Variants in CTNNA3 observed in about 807,000 individuals in gnomAD.
CTNNA3 encodes catenin alpha-3.
CTNNA3 carries 76 observed loss-of-function variants against 95.7 expected under a neutral mutation model. That is an observed-to-expected ratio of 0.79 (90% CI 0.66 to 0.96). The LOEUF (loss-of-function observed/expected upper bound fraction) is 0.96, where lower values mean the gene tolerates loss of function less well. CTNNA3 is among the 40% of genes least tolerant of loss of function. CTNNA3 has a pLI of 0.00. For synonymous variants in CTNNA3, 431 were observed against 374.4 expected (o/e 1.15, Z -1.74); for missense variants, 1,191 against 1,089.8 (o/e 1.09, Z -1.31).
intron 14 of CTNNA3, chr10:66,078,928 A>G (rs1378008743): frequency 1.3e-5 from 2 of 151,972 alleles, no homozygotes; most frequent in Non-Finnish European, 2.9e-5. Flanking sequence ...TACTTTGCTT[A>G]TAATTTGAAT....
rs1181615575 is a variant in CTNNA3, at chr10:65,947,093, T to TG, written c.2400+19518_2400+19519insC. Among the ~76,000 whole-genome samples the TG allele has an allele frequency of 8.4e-4, 114 of 136,502 alleles. 1 individual carries two copies. The highest frequency in any genetic ancestry group is 3.4e-3 in the African/African-American group (97 of 28,342). The allele number at this position is 136,502 out of a possible 152,430, so 89.6% of individuals were successfully genotyped here. A position where few individuals can be genotyped will look rare whatever the true frequency, so the allele number is the denominator to read the frequency against. On this transcript the variant is annotated intron_variant, in intron 17 of 17. Coordinates refer to ENST00000433211, the MANE Select transcript of CTNNA3 (RefSeq NM_013266.4). ...TGACAGCCTAAGTCTTTTGTTTGTTTTTTTTTTTTTTGTAGAATTCATCCA... is the reference window on the plus strand; with the variant it reads ...TGACAGCCTAAGTCTTTTGTTTGTTTGTTTTTTTTTTTGTAGAATTCATCCA...
chr10:66,125,036 A>C (rs1382069157), intron 13 of CTNNA3, among the ~76,000 whole-genome samples: 1 of 152,216 alleles, frequency 6.6e-6, no homozygotes, highest in Non-Finnish European at 1.5e-5. Flanking sequence ...AAAACGAAGA[A>C]GAAATAAAAA....
chr10:67,154,922 A>G (rs1353023232), intron 7 of CTNNA3, among the ~76,000 whole-genome samples: 1 of 151,962 alleles, frequency 6.6e-6, no homozygotes, highest in Admixed American at 6.6e-5. Flanking sequence ...TTTCATCTTC[A>G]CCTCCTACTT....
intron 15 of CTNNA3, among the ~76,000 whole-genome samples, chr10:66,015,746 A>C (rs1449498970): frequency 6.6e-6 from 1 of 152,198 alleles, no homozygotes; most frequent in Non-Finnish European, 1.5e-5. Context: ...TATTAGGATA[A>C]AGTCCCTTTT....
chr10:66,341,396 T>G (rs2092451469), intron 12 of CTNNA3, among the ~76,000 whole-genome samples: 2 of 151,948 alleles, frequency 1.3e-5, no homozygotes, highest in South Asian at 4.1e-4. Flanking sequence ...CAGAGGCTAC[T>G]TTGACTAAGC....
chr10:66,699,027 C>CTA (rs1376402004), intron 9 of CTNNA3, among the ~76,000 whole-genome samples: 1 of 152,114 alleles, frequency 6.6e-6, no homozygotes, highest in South Asian at 2.1e-4. Flanking sequence ...TTGTGTATGT[C>CTA]TATATATATG....
chr10:66,368,806 T>A (rs79387673), intron 12 of CTNNA3, among the ~76,000 whole-genome samples: 2 of 152,138 alleles, frequency 1.3e-5, no homozygotes, highest in African/African-American at 4.8e-5. Flanking sequence ...TTTATCAACA[T>A]CCATACTTTA....
intron 5 of CTNNA3, among the ~76,000 whole-genome samples, chr10:67,317,489 A>C (rs1042536594): frequency 6.6e-6 from 1 of 151,166 alleles, no homozygotes; most frequent in African/African-American, 2.4e-5. Context: ...GCAGTGGCAC[A>C]ATCTTGGCTC....
chr10:67,176,120 A>C (rs1862233422), intron 7 of CTNNA3, among the ~76,000 whole-genome samples: 1 of 152,166 alleles, frequency 6.6e-6, no homozygotes, highest in Non-Finnish European at 1.5e-5. Flanking sequence ...TTAATGAATA[A>C]AAATCCTGTT....
chr10:66,558,958 A>G (rs1035332239), intron 10 of CTNNA3, among the ~76,000 whole-genome samples: 1 of 152,148 alleles, frequency 6.6e-6, no homozygotes, highest in East Asian at 1.9e-4. Flanking sequence ...TCACTAAAAA[A>G]CAACATGGTC....
At chr10:66,998,351 A>G (rs1851474888) in intron 7 of CTNNA3, among the ~76,000 whole-genome samples, 1 of 152,182 alleles carries the variant, frequency 6.6e-6, no homozygotes. Context: ...ATATTTTTTA[A>G]AGCACAAGAA....
intron 17 of CTNNA3, among the ~76,000 whole-genome samples, chr10:65,930,112 A>G (rs2077226897): frequency 6.7e-6 from 1 of 149,620 alleles, no homozygotes; most frequent in African/African-American, 2.5e-5. Context: ...ATAAGTATGT[A>G]CACACACTTC....
At chr10:66,224,480 G>A (rs976723203) in intron 13 of CTNNA3, among the ~76,000 whole-genome samples, 5 of 152,208 alleles carry the variant, frequency 3.3e-5, no homozygotes, top group South Asian at 2.1e-4. Flanking sequence ...TGGTAACAAC[G>A]TGAAATACAA....
chr10:67,253,743 T>C (rs1005372067), intron 5 of CTNNA3, among the ~76,000 whole-genome samples: 2 of 151,998 alleles, frequency 1.3e-5, no homozygotes, highest in Non-Finnish European at 2.9e-5. Flanking sequence ...CCAAAGGAAA[T>C]CATAAATGAA....
At chr10:66,390,879 T>G (rs1361189525) in intron 11 of CTNNA3, among the ~76,000 whole-genome samples, 1 of 152,138 alleles carries the variant, frequency 6.6e-6, no homozygotes, top group Non-Finnish European at 1.5e-5. Flanking sequence ...GTAAAGTCCC[T>G]TCTTCCTCTT....
intron 7 of CTNNA3, among the ~76,000 whole-genome samples, chr10:66,846,929 C>A (rs1843304081): frequency 6.6e-6 from 1 of 152,164 alleles, no homozygotes; most frequent in Non-Finnish European, 1.5e-5. Flanking sequence ...AGCAGTAGTC[C>A]CCACTCAGCT....
intron 7 of CTNNA3, among the ~76,000 whole-genome samples, chr10:66,833,352 T>A (rs1279437395): frequency 6.6e-6 from 1 of 152,218 alleles, no homozygotes; most frequent in African/African-American, 2.4e-5. Context: ...TTTCATCCAA[T>A]CCACATTTTT....
chr10:66,054,236 G>A (rs2080025719), intron 15 of CTNNA3, among the ~76,000 whole-genome samples: 1 of 152,132 alleles, frequency 6.6e-6, no homozygotes, highest in Admixed American at 6.6e-5. Flanking sequence ...CCCTTTGGAT[G>A]TATATCCAGC....
At chr10:67,359,944 G>A (rs1172682256) in intron 5 of CTNNA3, among the ~76,000 whole-genome samples, 1 of 151,998 alleles carries the variant, frequency 6.6e-6, no homozygotes. Context: ...CAAAAAGGTA[G>A]CTAGAAAAAA....
Sources: allele counts gnomAD v4.1 joint callset (sites outside exome capture counted in the v4.1 genomes callset), GRCh38; gene constraint gnomAD v4.1.1; transcripts MANE v1.5; gene names NCBI Gene and HGNC (gene_info 2026-07-23, HGNC 2026-07-21).